Variants in CEP85L observed in about 807,000 individuals in gnomAD.
CEP85L encodes the protein centrosomal protein of 85 kDa-like.
Under a neutral mutation model 100.3 loss-of-function variants are expected in CEP85L, and 60 were observed. The observed-to-expected ratio is 0.60, with a 90% CI of 0.49 to 0.74. CEP85L has a LOEUF of 0.74. Among genes scored for constraint, CEP85L ranks in the 30% least tolerant of loss-of-function variants. The pLI is 0.00. For synonymous variants in CEP85L, 319 were observed against 322.7 expected (o/e 0.99, Z 0.12); for missense variants, 973 against 936.2 (o/e 1.04, Z -0.51).
intron 3 of CEP85L, among the ~76,000 whole-genome samples, chr6:118,542,900 C>A (rs1203195182): frequency 3.1e-4 from 21 of 67,148 alleles, no homozygotes; most frequent in South Asian, 2.0e-3. Context: ...CAAGTTTTCC[C>A]AAAAAAAAAA....
chr6:118,554,484 T>G (rs1778736019), intron 3 of CEP85L, among the ~76,000 whole-genome samples: 1 of 152,176 alleles, frequency 6.6e-6, no homozygotes, highest in Non-Finnish European at 1.5e-5. Flanking sequence ...TCTAATAGTT[T>G]TAGTCATAAA....
chr6:118,604,745 G>A (rs763461186), intron 2 of CEP85L, among the ~76,000 whole-genome samples: 4 of 152,050 alleles, frequency 2.6e-5, no homozygotes, highest in African/African-American at 7.2e-5. Context: ...ATGGCTTTAC[G>A]GTAGGCAAAT....
chr6:118,555,197 C>T (rs1302725016), intron 3 of CEP85L, among the ~76,000 whole-genome samples: 1 of 152,004 alleles, frequency 6.6e-6, no homozygotes, highest in Middle Eastern at 3.2e-3. Flanking sequence ...TTTGGGAGGC[C>T]GAGGCGGGTG....
chr6:118,491,947 A>G, intron 5 of CEP85L, 82 bp from the exon 6 acceptor site: 1 of 1,047,030 alleles, frequency 9.6e-7, no homozygotes, highest in East Asian at 2.5e-5. Flanking sequence ...GAAGTATAAT[A>G]TAAGGAGTAC....
At chr6:118,659,945 T>A (rs1441490580) in intron 1 of CEP85L, among the ~76,000 whole-genome samples, 1 of 152,256 alleles carries the variant, frequency 6.6e-6, no homozygotes, top group East Asian at 1.9e-4. Context: ...TCAGTTTTGA[T>A]TTTGGGTGTT....
intron 2 of CEP85L, among the ~76,000 whole-genome samples, chr6:118,600,303 GTGTGTGTGTGTGTGTGTGTGTGT>G (rs1781693717): frequency 2.1e-4 from 7 of 34,002 alleles, no homozygotes; most frequent in African/African-American, 3.2e-4. Context: ...TCCTGGGGGT[GTGTGTGTGTGTGTGTGTGTGTGT>G]GTGTGTGTGT....
intron 1 of CEP85L, among the ~76,000 whole-genome samples, chr6:118,636,564 G>A (rs1408190780): frequency 7.0e-6 from 1 of 143,046 alleles, no homozygotes; most frequent in Non-Finnish European, 1.5e-5. Flanking sequence ...CCGTGAAGGT[G>A]TTTGGATGAG....
intron 3 of CEP85L, among the ~76,000 whole-genome samples, chr6:118,528,082 C>CAAGT (rs1399482136): frequency 1.3e-5 from 2 of 152,098 alleles, no homozygotes; most frequent in African/African-American, 4.8e-5. Context: ...TTCAGTAAGA[C>CAAGT]AAGTACCTAG....
intron 11 of CEP85L, among the ~76,000 whole-genome samples, chr6:118,470,162 G>C (rs1772836863): frequency 6.6e-6 from 1 of 152,028 alleles, no homozygotes; most frequent in African/African-American, 2.4e-5. Context: ...CTGAATTGCT[G>C]ATCCCCAAAA....
intron 2 of CEP85L, among the ~76,000 whole-genome samples, chr6:118,603,730 G>A (rs911826848): frequency 1.3e-5 from 2 of 152,220 alleles, no homozygotes; most frequent in African/African-American, 4.8e-5. Context: ...TTTTAGCTCT[G>A]AGAGTTCTGA....
chr6:118,503,831 C>A (rs1483350473), intron 5 of CEP85L, among the ~76,000 whole-genome samples: 21 of 126,978 alleles, frequency 1.7e-4, no homozygotes, highest in South Asian at 2.6e-4. Context: ...TATAAAACTC[C>A]AAAAAAAAAA....
chr6:118,545,881 C>T (rs546739448), intron 3 of CEP85L, among the ~76,000 whole-genome samples: 23 of 152,270 alleles, frequency 1.5e-4, no homozygotes, highest in South Asian at 1.5e-3. Flanking sequence ...TAAACCATCA[C>T]AAATACTATT....
chr6:118,687,118 T>C (rs1206349578), intron 1 of CEP85L, among the ~76,000 whole-genome samples: 2 of 152,206 alleles, frequency 1.3e-5, no homozygotes, highest in Admixed American at 1.3e-4. Context: ...TTCCCTAATA[T>C]TCATTTGACT....
chr6:118,616,963 A>C (rs979332008), intron 2 of CEP85L, among the ~76,000 whole-genome samples: 1 of 150,494 alleles, frequency 6.6e-6, no homozygotes, highest in Non-Finnish European at 1.5e-5. Context: ...AAAAAGGCTG[A>C]GGTAGGAGGG....
At chr6:118,528,109 TTC>T (rs908177980) in intron 3 of CEP85L, among the ~76,000 whole-genome samples, 4 of 152,168 alleles carry the variant, frequency 2.6e-5, no homozygotes. Context: ...GATGATGATC[TTC>T]TCAAGAAGAC....
chr6:118,486,656 T>C (rs73766516), intron 6 of CEP85L, among the ~76,000 whole-genome samples: 2,150 of 152,286 alleles, frequency 0.014, 73 homozygotes, highest in African/African-American at 0.049. Flanking sequence ...CCATGTGCTC[T>C]GACACAAACT....
upstream of CEP85L, chr6:118,652,809 C>T (rs964480636): frequency 8.1e-7 from 1 of 1,233,500 alleles, no homozygotes; most frequent in Admixed American, 2.2e-5. Flanking sequence ...TCAGCTGTTT[C>T]TGATGATAAA....
At chr6:118,501,290 G>T in intron 5 of CEP85L, 1 of 367,646 alleles carries the variant, frequency 2.7e-6, no homozygotes. Flanking sequence ...TGCCACTTCT[G>T]GTCCAGGCCA....
At chr6:118,550,854 A>G (rs1778498569) in intron 3 of CEP85L, among the ~76,000 whole-genome samples, 1 of 151,942 alleles carries the variant, frequency 6.6e-6, no homozygotes, top group African/African-American at 2.4e-5. Flanking sequence ...ATTTATGCAT[A>G]GCATTACATT....
Sources: gnomAD v4.1 joint callset for allele counts (sites outside exome capture counted in the v4.1 genomes callset) on GRCh38, gnomAD v4.1.1 for gene constraint, MANE v1.5 for transcripts, NCBI Gene and HGNC (gene_info 2026-07-23, HGNC 2026-07-21) for gene names.